The following OCSTAMP variants were observed in gnomAD, a reference collection of about 807,000 sequenced individuals.
The protein encoded by OCSTAMP is osteoclast stimulatory transmembrane protein.
OCSTAMP carries 17 observed loss-of-function variants against 25.2 expected under a neutral mutation model. That is an observed-to-expected ratio of 0.68 (90% CI 0.46 to 1.01). The LOEUF (loss-of-function observed/expected upper bound fraction) is 1.01. Ranked by LOEUF, OCSTAMP falls within the 50% of genes least tolerant of loss-of-function variation. The probability of loss-of-function intolerance (pLI) is 0.00; values close to 1 mark genes in which losing one functional copy is unlikely to be tolerated. For missense variants in OCSTAMP, 664 were observed against 694.6 expected (o/e 0.96, Z 0.50); for synonymous variants, 345 against 318.9 (o/e 1.08, Z -0.87).
At chr20:46,542,945 T>A (rs944178994) in intron 2 of OCSTAMP, among the ~76,000 whole-genome samples, 7 of 151,882 alleles carry the variant, frequency 4.6e-5, no homozygotes, top group African/African-American at 1.7e-4. Flanking sequence ...GATCAGAGAG[T>A]GCCAGCCTCA....
intron 2 of OCSTAMP, among the ~76,000 whole-genome samples, chr20:46,544,933 GT>G (rs1357253688): frequency 1.3e-5 from 2 of 152,162 alleles, no homozygotes; most frequent in African/African-American, 4.8e-5. Flanking sequence ...AATCTCTTAT[GT>G]GCCATGGAGC....
At position 46,545,752 on chromosome 20, in the gene OCSTAMP, G is replaced by A. The variant is rs943473089; in HGVS notation, c.622C>T (p.Leu208=). 2 of 1,551,616 alleles carry A rather than the reference G, an allele frequency of 1.3e-6. No homozygotes were observed. The highest frequency in any genetic ancestry group is 1.7e-6 in the Non-Finnish European group (2 of 1,147,000). The change falls in exon 2 of 3, where the codon CTG becomes TTG. Residue 208 remains leucine, a synonymous_variant. Transcript: ENST00000279028. ...GACTCCAGGCCAGAGAAATCCTCCAGGACCTGCTGAGTGACCCTGAGCATG... is the reference window on the plus strand; with the variant it reads ...GACTCCAGGCCAGAGAAATCCTCCAAGACCTGCTGAGTGACCCTGAGCATG... ...LHMLRVTQQV[L]EDFSGLESLA...
chr20:46,543,019 C>T (rs6066016), intron 2 of OCSTAMP, among the ~76,000 whole-genome samples: 4 of 152,260 alleles, frequency 2.6e-5, no homozygotes, highest in Middle Eastern at 3.4e-3. Context: ...GGGGCATCAC[C>T]GGGGCTCTGG....
At chr20:46,549,965 CT>C (rs2061865487) in intron 1 of OCSTAMP, among the ~76,000 whole-genome samples, 1 of 150,818 alleles carries the variant, frequency 6.6e-6, no homozygotes, top group Non-Finnish European at 1.5e-5. Flanking sequence ...CACTACCCAC[CT>C]TTGACAGGGG....
In OCSTAMP at chr20:46,541,528, C is replaced by T. The variant is rs763464425; in HGVS notation, c.1447G>A (p.Asp483Asn). The T allele has an allele frequency of 7.6e-4, 1,178 of 1,551,738 alleles. 2 individuals carry two copies. The highest frequency in any genetic ancestry group is 9.4e-4 in the Non-Finnish European group (1,073 of 1,146,978). Residue 483 changes from aspartate to asparagine, a missense_variant, in exon 3 of 3, where the codon GAC (aspartate) becomes AAC (asparagine). Asp to Asn is a conservative substitution (Grantham distance 23). Transcript: ENST00000279028. ...GTTCTTAAGGCATCCAGCCTGTAGT[C>T]TATCCATGCCGGAGGCTTGCAGGCA... is the stretch of plus-strand genomic sequence containing the variant. ...RPACKPPAWI[D>N]YRLDALRTES...
At chr20:46,550,449 T>C in intron 1 of OCSTAMP, 68 bp downstream of exon 1, 1 of 1,391,376 alleles carries the variant, frequency 7.2e-7, no homozygotes, top group Non-Finnish European at 1.0e-6. Flanking sequence ...TGGGTTCATA[T>C]CCATCACCCC....
chr20:46,543,843 A>G (rs1344495729), intron 2 of OCSTAMP, among the ~76,000 whole-genome samples: 2 of 152,196 alleles, frequency 1.3e-5, no homozygotes, highest in Non-Finnish European at 2.9e-5. Flanking sequence ...AGATTTGGTG[A>G]AAATGAGTAA....
chr20:46,545,348 G>A lies in OCSTAMP; in HGVS notation c.1026C>T (p.Ile342=), dbSNP rs556170753. 6 of 1,482,760 alleles carry A rather than the reference G, an allele frequency of 4.0e-6. No homozygotes were observed. In the African/African-American group the frequency reaches 7.1e-5, roughly 17 times the overall value. 91.9% of individuals were successfully genotyped at this position (1,482,760 alleles called of 1,614,324 possible). Reference sequence around the variant, plus strand: ...TTACATCATACTTGACCGTGAGCGTGATGGGCACAGTTGGCAACTTCTGAG... The same window carrying A: ...TTACATCATACTTGACCGTGAGCGTAATGGGCACAGTTGGCAACTTCTGAG... ...DWAQKLPTVP[I]TLTVKYDVAY... The change falls in exon 2 of 3, where the codon ATC becomes ATT. Residue 342 remains isoleucine (I), a synonymous_variant. Transcript: ENST00000279028.
Position 46,541,482 on chromosome 20 carries a change from C to T in OCSTAMP, c.1493G>A (p.Gly498Glu). The T allele has an allele frequency of 6.4e-7, 1 of 1,551,416 alleles. No homozygotes were observed. Among genetic ancestry groups the T allele is most frequent in the Non-Finnish European group, 8.7e-7 (1 of 1,146,696 alleles). ...GTCTCTGCAACTCCAAAGCTCTTTCCCTTCTCCCTCACTGCTCTCGGTTCT... is the reference window on the plus strand; with the variant it reads ...GTCTCTGCAACTCCAAAGCTCTTTCTCTTCTCCCTCACTGCTCTCGGTTCT... Reference protein sequence around the residue: ...ALRTESSEGEGKELWSCRDLS... With the variant: ...ALRTESSEGEEKELWSCRDLS... The change falls in exon 3 of 3, where the codon GGG becomes GAG. Residue 498 changes from glycine (G) to glutamate (E), a missense_variant. Transcript: ENST00000279028.
At chr20:46,546,352 G>C in intron 1 of OCSTAMP, 23 bp from the exon 2 acceptor site, 1 of 1,528,620 alleles carries the variant, frequency 6.5e-7, no homozygotes. Flanking sequence ...AAATTGAAGG[G>C]CATCTCTATC....
Position 46,541,286 on chromosome 20 carries a change from A to C in OCSTAMP, c.1689T>G (p.Asp563Glu). Residue 563 changes from aspartate to glutamate, a missense_variant, in exon 3 of 3, where the codon GAT becomes GAG. Coordinates refer to ENST00000279028, the MANE Select transcript of OCSTAMP (RefSeq NM_080721.3). Reference protein sequence around the residue: ...VVRMEGNTGHDRPG With the variant: ...VVRMEGNTGHERPG ...GGTTCTTTACCGGTTATCCAGGCCT[A>C]TCATGCCCAGTATTTCCTTCCATCC... 1.4e-6 allele frequency: 1 copy of C among 723,008 alleles called. No homozygotes were observed. Among genetic ancestry groups the C allele is most frequent in the South Asian group, 1.5e-5 (1 of 67,682 alleles). The allele number at this position is 723,008 out of a possible 1,614,324, so 44.8% of individuals were successfully genotyped here.
intron 2 of OCSTAMP, among the ~76,000 whole-genome samples, chr20:46,542,564 G>C (rs2061837811): frequency 5.8e-5 from 3 of 51,844 alleles, no homozygotes; most frequent in Non-Finnish European, 9.3e-5. Flanking sequence ...AACACAGCAA[G>C]ACTCTGTCTC....
intron 1 of OCSTAMP, among the ~76,000 whole-genome samples, chr20:46,548,447 GTTT>G (rs2061860119): frequency 6.6e-6 from 1 of 152,202 alleles, no homozygotes; most frequent in Admixed American, 6.5e-5. Context: ...GATTGCTTCT[GTTT>G]GCTCAGGTTG....
At chr20:46,542,051 C>G in intron 2 of OCSTAMP, 124 bp from the exon 3 acceptor site, 1 of 1,325,260 alleles carries the variant, frequency 7.5e-7, no homozygotes, top group South Asian at 2.3e-5. Flanking sequence ...TAACCCGTTT[C>G]CCAGGGTTTG....
chr20:46,550,503 G>T lies in OCSTAMP; in HGVS notation c.44+14C>A. The T allele has an allele frequency of 6.4e-7, 1 of 1,551,188 alleles. No homozygotes were observed. The stretch of plus-strand genomic sequence containing the variant: ...TCACCTGTAGCCCTCAGTGTCCAAA[G>T]TCCCCAGACCTACCCGGTCTTGACA... On this transcript the variant is annotated intron_variant, in intron 1 of 2. Coordinates refer to ENST00000279028, the MANE Select transcript of OCSTAMP (RefSeq NM_080721.3).
rs536454073 is a variant in OCSTAMP, at chr20:46,550,557, G to T, written c.4C>A (p.Pro2Thr). 22 of 1,551,666 alleles carry T rather than the reference G, an allele frequency of 1.4e-5. No homozygotes were observed. Among genetic ancestry groups the T allele is most frequent in the Non-Finnish European group, 1.9e-5 (22 of 1,146,966 alleles). M[P>T]GHPGAAEQLV... The stretch of plus-strand genomic sequence containing the variant: ...TGCTCAGCTGCTCCTGGGTGGCCTG[G>T]CATGCTGTCCAAATGGCAGTGGTTT... The change falls in exon 1 of 3, where the codon CCA (proline) becomes ACA (threonine). Residue 2 changes from proline (P) to threonine (T), a missense_variant. Pro to Thr is a conservative substitution (Grantham distance 38). Coordinates refer to ENST00000279028, the MANE Select transcript of OCSTAMP (RefSeq NM_080721.3).
chr20:46,544,198 G>T (rs1417131992), intron 2 of OCSTAMP, among the ~76,000 whole-genome samples: 3 of 152,170 alleles, frequency 2.0e-5, no homozygotes, highest in Admixed American at 6.5e-5. Flanking sequence ...CTGCATTCTG[G>T]CATGGGCAAC....
At chr20:46,543,419 C>G (rs2061842036) in intron 2 of OCSTAMP, among the ~76,000 whole-genome samples, 1 of 149,922 alleles carries the variant, frequency 6.7e-6, no homozygotes, top group African/African-American at 2.5e-5. Flanking sequence ...AACTTTGCCT[C>G]CCAGGTTCAA....
Position 46,545,381 on chromosome 20 carries a change from C to T in OCSTAMP, c.993G>A (p.Val331=), listed in dbSNP as rs746890305. ...HVAFLLAQAT[V]DWAQKLPTVP... ...CAGTTGGCAACTTCTGAGCCCAGTC[C>T]ACAGTAGCCTGTGCCAGGAGGAAGG... is the stretch of plus-strand genomic sequence containing the variant. Residue 331 remains valine, a synonymous_variant, in exon 2 of 3, where the codon GTG becomes GTA. Transcript: ENST00000279028. The T allele has an allele frequency of 1.2e-5, 18 of 1,526,802 alleles. No individual in the cohort carries two copies. Among genetic ancestry groups the T allele is most frequent in the East Asian group, 4.9e-5 (2 of 40,798 alleles). The allele number at this position is 1,526,802 out of a possible 1,614,324, so 94.6% of individuals were successfully genotyped here. A position where few individuals can be genotyped will look rare whatever the true frequency, so the allele number is the denominator to read the frequency against.
Sources: gnomAD v4.1 joint callset for allele counts (sites outside exome capture counted in the v4.1 genomes callset) on GRCh38, gnomAD v4.1.1 for gene constraint, MANE v1.5 for transcripts, NCBI Gene and HGNC (gene_info 2026-07-23, HGNC 2026-07-21) for gene names.